MRTFB: variants seen among roughly 807,000 people sequenced by gnomAD.
MRTFB encodes myocardin-related transcription factor B.
MRTFB carries 29 observed loss-of-function variants against 104.2 expected under a neutral mutation model. The ratio of observed to expected loss-of-function variants is 0.28; its 90% CI spans 0.21 to 0.38. The LOEUF is 0.38. Among genes scored for constraint, MRTFB ranks in the 10% least tolerant of loss-of-function variants. MRTFB has a pLI of 1.00. For missense variants in MRTFB, 1,270 were observed against 1,341.6 expected (o/e 0.95, Z 0.83); for synonymous variants, 535 against 519.5 (o/e 1.03, Z -0.41).
At chr16:14,052,526 G>A in the MRTFB span, among the ~76,000 whole-genome samples, 2 of 151,980 alleles carry the variant, frequency 1.3e-5, no homozygotes, top group Non-Finnish European at 2.9e-5. Context: ...ATCACTTGAG[G>A]TCAGGAGTTT....
chr16:14,205,681 G>A (rs2040909489), intron 3 of MRTFB, among the ~76,000 whole-genome samples: 1 of 152,090 alleles, frequency 6.6e-6, no homozygotes, highest in Admixed American at 6.5e-5. Context: ...TATTACTTAT[G>A]TCCTTTGTTT....
At chr16:14,173,156 C>T (rs1472549341) in intron 3 of MRTFB, among the ~76,000 whole-genome samples, 4 of 152,086 alleles carry the variant, frequency 2.6e-5, no homozygotes, top group African/African-American at 2.4e-5. Context: ...TCTCCCTCCA[C>T]ATTGCTTTTC....
At chr16:14,174,396 G>A (rs886876784) in intron 3 of MRTFB, among the ~76,000 whole-genome samples, 22 of 152,096 alleles carry the variant, frequency 1.4e-4, no homozygotes, top group African/African-American at 2.4e-4. Flanking sequence ...AAAAAATGTC[G>A]CCCTGGCCAG....
At chr16:14,068,433 G>C (rs746331713), upstream of MRTFB, among the ~76,000 whole-genome samples, 7 of 152,166 alleles carry the variant, frequency 4.6e-5, no homozygotes, top group Non-Finnish European at 1.0e-4. Flanking sequence ...GGGATTTTCT[G>C]TTTCATAAAG....
At chr16:14,240,915 G>C (rs1228845872) in intron 10 of MRTFB, 2 of 610,142 alleles carry the variant, frequency 3.3e-6, no homozygotes, top group East Asian at 2.7e-5. Flanking sequence ...GGCTCGAGAA[G>C]GGCCTTTCCA....
the MRTFB span, among the ~76,000 whole-genome samples, chr16:14,035,037 G>A: frequency 8.7e-3 from 1,325 of 152,258 alleles, 20 homozygotes; most frequent in African/African-American, 0.031. Flanking sequence ...AAACATGGTC[G>A]GAAAGTACCT....
At chr16:14,066,408 G>T (rs1033977782), upstream of MRTFB, among the ~76,000 whole-genome samples, 10 of 151,570 alleles carry the variant, frequency 6.6e-5, no homozygotes, top group Non-Finnish European at 1.2e-4. Flanking sequence ...TGAGTACCTG[G>T]GATTACAGGT....
At chr16:14,217,434 C>A (rs2041476355) in intron 7 of MRTFB, 147 bp downstream of exon 7, 1 of 661,770 alleles carries the variant, frequency 1.5e-6, no homozygotes, top group African/African-American at 1.8e-5. Flanking sequence ...GTGTTACTAT[C>A]ATTTCATTAT....
chr16:14,068,720 G>A (rs1365129594), upstream of MRTFB, among the ~76,000 whole-genome samples: 1 of 152,128 alleles, frequency 6.6e-6, no homozygotes, highest in African/African-American at 2.4e-5. Flanking sequence ...TTAGGCATCC[G>A]TTTGGCTGGA....
intron 7 of MRTFB, among the ~76,000 whole-genome samples, chr16:14,217,929 C>T (rs1050407166): frequency 6.6e-6 from 1 of 152,132 alleles, no homozygotes; most frequent in Non-Finnish European, 1.5e-5. Context: ...TTGTTTCTGG[C>T]GTAAGCTTTA....
At chr16:14,253,419 G>A (rs558204141) in intron 15 of MRTFB, among the ~76,000 whole-genome samples, 1 of 152,312 alleles carries the variant, frequency 6.6e-6, no homozygotes, top group South Asian at 2.1e-4. Flanking sequence ...AGTTGTACCA[G>A]TTCTCCCGCT....
intron 15 of MRTFB, among the ~76,000 whole-genome samples, chr16:14,254,491 T>C (rs1367700271): frequency 6.6e-6 from 1 of 152,194 alleles, no homozygotes; most frequent in African/African-American, 2.4e-5. Context: ...GAAATCCAGA[T>C]AACTGAATTG....
chr16:14,053,124 C>G, the MRTFB span, among the ~76,000 whole-genome samples: 2 of 151,992 alleles, frequency 1.3e-5, no homozygotes, highest in African/African-American at 4.8e-5. Flanking sequence ...TGGGGTCTCA[C>G]TACATTGCCC....
chr16:14,015,295 A>C, the MRTFB span, among the ~76,000 whole-genome samples: 1 of 152,168 alleles, frequency 6.6e-6, no homozygotes, highest in Non-Finnish European at 1.5e-5. Context: ...GTTCTGTTTG[A>C]CCAGTGCCTT....
the MRTFB span, among the ~76,000 whole-genome samples, chr16:14,027,327 A>G: frequency 6.6e-6 from 1 of 152,218 alleles, no homozygotes; most frequent in African/African-American, 2.4e-5. Flanking sequence ...TCTTCAAACA[A>G]CAAAATGATA....
intron 15 of MRTFB, among the ~76,000 whole-genome samples, chr16:14,254,202 TC>T: frequency 6.6e-6 from 1 of 152,318 alleles, no homozygotes; most frequent in East Asian, 1.9e-4. Context: ...GCACCAAACT[TC>T]GTTTAAATAC....
At chr16:14,033,787 G>C in the MRTFB span, among the ~76,000 whole-genome samples, 1 of 142,684 alleles carries the variant, frequency 7.0e-6, no homozygotes, top group Non-Finnish European at 1.5e-5. Flanking sequence ...AGTGTGCTGA[G>C]ATCGCGCCAC....
At chr16:14,183,199 T>C (rs2039826796) in intron 3 of MRTFB, among the ~76,000 whole-genome samples, 1 of 152,208 alleles carries the variant, frequency 6.6e-6, no homozygotes. Context: ...ATTGCATCAT[T>C]ATTTCTGGGG....
chr16:14,077,949 G>A (rs1220009800), intron 1 of MRTFB, among the ~76,000 whole-genome samples: 2 of 152,168 alleles, frequency 1.3e-5, no homozygotes, highest in African/African-American at 4.8e-5. Flanking sequence ...CTGAAAACCA[G>A]AGAACAAATT....
Sources: allele counts gnomAD v4.1 joint callset (sites outside exome capture counted in the v4.1 genomes callset), GRCh38; gene constraint gnomAD v4.1.1; transcripts MANE v1.5; gene names NCBI Gene and HGNC (gene_info 2026-07-23, HGNC 2026-07-21).